The following C19orf47 variants were observed in gnomAD, a reference collection of about 807,000 sequenced individuals.
The protein encoded by C19orf47 is chromosome 19 open reading frame 47.
Under a neutral mutation model 32.3 loss-of-function variants are expected in C19orf47, and 18 were observed. That is an observed-to-expected ratio of 0.56 (90% CI 0.39 to 0.83). The LOEUF (loss-of-function observed/expected upper bound fraction) is 0.83. Ranked by LOEUF, C19orf47 falls within the 40% of genes least tolerant of loss-of-function variation. The pLI is 0.00. For missense variants in C19orf47, 484 were observed against 531.6 expected (o/e 0.91, Z 0.88); for synonymous variants, 202 against 211.1 (o/e 0.96, Z 0.37).
At chr19:40,331,695 C>T (rs764386730) in intron 5 of C19orf47, among the ~76,000 whole-genome samples, 10 of 152,044 alleles carry the variant, frequency 6.6e-5, no homozygotes, top group Non-Finnish European at 1.3e-4. Context: ...GCTTAGTTAT[C>T]AGCAAAGGGA....
At chr19:40,318,598 C>T (rs2077678994), downstream of C19orf47, among the ~76,000 whole-genome samples, 1 of 152,186 alleles carries the variant, frequency 6.6e-6, no homozygotes, top group Non-Finnish European at 1.5e-5. Context: ...GGCTGAAGCT[C>T]AGCAGGGAAA....
intron 4 of C19orf47, chr19:40,334,765 G>A (rs2078024323): frequency 2.6e-5 from 4 of 151,720 alleles, no homozygotes; most frequent in South Asian, 2.1e-4. Context: ...AAAATAAAGA[G>A]GCCAGGCACA....
intron 6 of C19orf47, among the ~76,000 whole-genome samples, chr19:40,327,007 CTTTTTTT>C (rs763036518): frequency 1.4e-4 from 17 of 122,800 alleles, no homozygotes; most frequent in Non-Finnish European, 1.9e-4. Context: ...CTGATTTTAA[CTTTTTTT>C]TTTTTTTTTT....
At chr19:40,295,131 C>T in the C19orf47 span, among the ~76,000 whole-genome samples, 1 of 151,948 alleles carries the variant, frequency 6.6e-6, no homozygotes, top group South Asian at 2.1e-4. Flanking sequence ...AAATGATTCT[C>T]CTGCCTCAGC....
At chr19:40,312,362 G>C in the C19orf47 span, among the ~76,000 whole-genome samples, 35 of 152,202 alleles carry the variant, frequency 2.3e-4, no homozygotes, top group African/African-American at 7.9e-4. Flanking sequence ...TGGCCAATAT[G>C]GTGAAACCCC....
chr19:40,307,261 A>C, the C19orf47 span, among the ~76,000 whole-genome samples: 1 of 151,612 alleles, frequency 6.6e-6, no homozygotes, highest in African/African-American at 2.4e-5. Flanking sequence ...ATGCCCAGCT[A>C]ACTTTTGTAT....
downstream of C19orf47, among the ~76,000 whole-genome samples, chr19:40,317,890 T>C (rs2077673870): frequency 6.6e-6 from 1 of 152,110 alleles, no homozygotes; most frequent in Non-Finnish European, 1.5e-5. Context: ...GGCCAATTTT[T>C]GTATTTTTAG....
chr19:40,307,271 T>A, the C19orf47 span, among the ~76,000 whole-genome samples: 1 of 151,822 alleles, frequency 6.6e-6, no homozygotes, highest in Non-Finnish European at 1.5e-5. Context: ...AACTTTTGTA[T>A]TTAAGTAGAC....
At chr19:40,299,855 G>C in the C19orf47 span, among the ~76,000 whole-genome samples, 1 of 152,074 alleles carries the variant, frequency 6.6e-6, no homozygotes, top group Admixed American at 6.6e-5. Context: ...GCGAAACCCT[G>C]TCTCTACTAA....
chr19:40,302,417 G>A, the C19orf47 span, among the ~76,000 whole-genome samples: 6 of 152,018 alleles, frequency 3.9e-5, no homozygotes, highest in African/African-American at 1.2e-4. Context: ...AGGCATGCAC[G>A]AACATGTCTA....
intron 5 of C19orf47, 51 bp downstream of exon 5, chr19:40,333,800 C>T: frequency 7.0e-7 from 1 of 1,429,784 alleles, no homozygotes; most frequent in Non-Finnish European, 9.4e-7. Context: ...GTCCCCTTCA[C>T]TGACAGGGTA....
At chr19:40,333,076 G>A (rs1382214481) in intron 5 of C19orf47, among the ~76,000 whole-genome samples, 1 of 151,952 alleles carries the variant, frequency 6.6e-6, no homozygotes, top group Admixed American at 6.6e-5. Context: ...TGGCCAAGAT[G>A]GTGAAACCCC....
intron 1 of C19orf47, chr19:40,343,504 G>A (rs749066925): frequency 6.6e-6 from 1 of 152,224 alleles, no homozygotes; most frequent in Non-Finnish European, 1.5e-5. Flanking sequence ...GGCTGGATGA[G>A]TTTCTATGAA....
At chr19:40,293,600 G>C in the C19orf47 span, among the ~76,000 whole-genome samples, 2 of 151,520 alleles carry the variant, frequency 1.3e-5, no homozygotes, top group Admixed American at 1.3e-4. Flanking sequence ...TGAGTAGCTG[G>C]GATTACAGGC....
At chr19:40,337,993 G>C (rs1425480101) in intron 2 of C19orf47, among the ~76,000 whole-genome samples, 1 of 152,176 alleles carries the variant, frequency 6.6e-6, no homozygotes, top group Admixed American at 6.6e-5. Context: ...CCATGTATAT[G>C]AAGTGTCTAG....
the C19orf47 span, among the ~76,000 whole-genome samples, chr19:40,311,474 G>A: frequency 4.6e-5 from 7 of 152,044 alleles, no homozygotes; most frequent in East Asian, 1.9e-4. Flanking sequence ...CCTGAGAGGC[G>A]GAGAGTGCAG....
chr19:40,341,624 C>A (rs2078179122), intron 2 of C19orf47, among the ~76,000 whole-genome samples: 1 of 152,168 alleles, frequency 6.6e-6, no homozygotes, highest in Non-Finnish European at 1.5e-5. Flanking sequence ...AACCCACGTT[C>A]TTCACAGCTA....
chr19:40,316,525 G>A (rs2077663253), downstream of C19orf47, among the ~76,000 whole-genome samples: 1 of 152,200 alleles, frequency 6.6e-6, no homozygotes, highest in Non-Finnish European at 1.5e-5. Flanking sequence ...GCCAAGCGTT[G>A]ATTTAGTACT....
At chr19:40,305,203 C>A in the C19orf47 span, among the ~76,000 whole-genome samples, 1 of 151,942 alleles carries the variant, frequency 6.6e-6, no homozygotes, top group African/African-American at 2.4e-5. Flanking sequence ...ATTAGCCAGG[C>A]GTTGTGGTGG....
Sources: allele counts gnomAD v4.1 joint callset (sites outside exome capture counted in the v4.1 genomes callset), GRCh38; gene constraint gnomAD v4.1.1; transcripts MANE v1.5; gene names NCBI Gene and HGNC (gene_info 2026-07-23, HGNC 2026-07-21).